The following HEPHL1 variants were observed in gnomAD, a reference collection of about 807,000 sequenced individuals.
HEPHL1 encodes the protein hephaestin like 1.
HEPHL1 carries 123 observed loss-of-function variants against 122.0 expected under a neutral mutation model. The observed-to-expected ratio is 1.01, with a 90% CI of 0.87 to 1.17. HEPHL1 has a LOEUF of 1.17. Among genes scored for constraint, HEPHL1 ranks in the 50% most tolerant of loss-of-function variants. The pLI is 0.00. For missense variants in HEPHL1, 1,452 were observed against 1,430.5 expected, an observed-to-expected ratio of 1.01 and a Z score of -0.24; for synonymous variants, 527 against 508.9, an observed-to-expected ratio of 1.04 and a Z score of -0.48.
chr11:94,095,172 A>G (rs1176951381), intron 13 of HEPHL1, among the ~76,000 whole-genome samples: 3 of 152,140 alleles, frequency 2.0e-5, no homozygotes, highest in African/African-American at 7.2e-5. Flanking sequence ...TAATTTTTGT[A>G]TAAGGTGTAA....
chr11:94,103,966 C>T (rs1218601905), intron 15 of HEPHL1, among the ~76,000 whole-genome samples: 1 of 152,190 alleles, frequency 6.6e-6, no homozygotes, highest in African/African-American at 2.4e-5. Flanking sequence ...ATGAGAGATG[C>T]AGATACTCTT....
chr11:94,046,091 C>CTTTTTTTTTTTTTT (rs755367459), intron 2 of HEPHL1, among the ~76,000 whole-genome samples, 174 bp downstream of exon 2: 1,716 of 65,052 alleles, frequency 0.026, 392 homozygotes, highest in Non-Finnish European at 0.031. Flanking sequence ...CCCTTTCTTG[C>CTTTTTTTTTTTTTT]TTTTTTTTTT....
chr11:94,029,877 A>C (rs891551106), intron 1 of HEPHL1, among the ~76,000 whole-genome samples: 4 of 152,084 alleles, frequency 2.6e-5, no homozygotes, highest in Non-Finnish European at 4.4e-5. Flanking sequence ...TTGCCAGACA[A>C]CTCATGGTAA....
chr11:94,024,075 T>G (rs1206742040), intron 1 of HEPHL1, among the ~76,000 whole-genome samples: 2 of 152,178 alleles, frequency 1.3e-5, no homozygotes, highest in Non-Finnish European at 2.9e-5. Context: ...ATCATGCCCC[T>G]CTCTCAGCCT....
chr11:94,063,650 C>T lies in HEPHL1; in HGVS notation c.558C>T (p.Tyr186=), dbSNP rs1946006687. 6.2e-7 allele frequency: 1 copy of T among 1,613,854 alleles called. No individual in the cohort carries two copies. Among genetic ancestry groups the T allele is most frequent in the Non-Finnish European group, 8.5e-7 (1 of 1,179,840 alleles). The change falls in exon 3 of 20, where the codon TAC becomes TAT. Residue 186 remains tyrosine, a synonymous_variant. Coordinates refer to ENST00000315765, the MANE Select transcript of HEPHL1 (RefSeq NM_001098672.2). Reference sequence around the variant, plus strand: ...ATGCCAACTGCCTGACCTGGGTGTACCATTCGCACATCGACGCCCCAAAGG... The same window carrying T: ...ATGCCAACTGCCTGACCTGGGTGTATCATTCGCACATCGACGCCCCAAAGG... ...PADANCLTWV[Y]HSHIDAPKDI... is the part of the protein sequence containing the mutation.
At chr11:94,095,537 C>T (rs112909341) in intron 13 of HEPHL1, among the ~76,000 whole-genome samples, 3 of 152,240 alleles carry the variant, frequency 2.0e-5, no homozygotes, top group African/African-American at 4.8e-5. Flanking sequence ...TGAAGAAAGT[C>T]ATTGGTAGCT....
At chr11:94,031,127 G>C (rs1040879044) in intron 1 of HEPHL1, among the ~76,000 whole-genome samples, 1 of 152,036 alleles carries the variant, frequency 6.6e-6, no homozygotes, top group Non-Finnish European at 1.5e-5. Context: ...TCAATAAAAC[G>C]TGAGCTTGTT....
chr11:94,088,705 C>T, intron 11 of HEPHL1, 50 bp from the exon 12 acceptor site: 4 of 1,433,994 alleles, frequency 2.8e-6, no homozygotes, highest in Non-Finnish European at 3.8e-6. Context: ...AGACCATCAC[C>T]AACAAAAATA....
Position 94,037,004 on chromosome 11 carries a change from G to A in HEPHL1, c.171-8669G>A, listed in dbSNP as rs561443797. Among the ~76,000 whole-genome samples, 1,399 of 152,296 alleles carry A rather than the reference G, an allele frequency of 9.2e-3. 24 individuals are homozygous for A. Among genetic ancestry groups the A allele is most frequent in the African/African-American group, 0.032 (1,320 of 41,568 alleles). On this transcript the variant is annotated intron_variant, in intron 1 of 19. Transcript: ENST00000315765. ...TGCCAGACAGTGGGCGCAGGCCAGT[G>A]GGTGCGCGCACCGTGCACGAGCCGA...
At chr11:94,069,567 G>A (rs1234019331) in intron 5 of HEPHL1, among the ~76,000 whole-genome samples, 1 of 152,076 alleles carries the variant, frequency 6.6e-6, no homozygotes, top group African/African-American at 2.4e-5. Flanking sequence ...ATGCTGCACT[G>A]TAGCTAATTT....
At chr11:94,097,329 G>C (rs1452981697) in intron 13 of HEPHL1, among the ~76,000 whole-genome samples, 1 of 152,186 alleles carries the variant, frequency 6.6e-6, no homozygotes, top group Non-Finnish European at 1.5e-5. Flanking sequence ...GAGTGATTTT[G>C]AGTGAGTTCC....
chr11:94,053,221 T>C (rs961964393), intron 2 of HEPHL1, among the ~76,000 whole-genome samples: 11 of 152,216 alleles, frequency 7.2e-5, no homozygotes, highest in Admixed American at 5.9e-4. Context: ...AATTCGTGTG[T>C]TTCATCTCAG....
intron 9 of HEPHL1, among the ~76,000 whole-genome samples, chr11:94,078,360 G>A (rs1956036833): frequency 6.7e-6 from 1 of 149,580 alleles, no homozygotes; most frequent in African/African-American, 2.5e-5. Flanking sequence ...TTTCTTCCCT[G>A]CTGCTGTGGG....
intron 1 of HEPHL1, among the ~76,000 whole-genome samples, chr11:94,037,862 T>C (rs967820832): frequency 6.6e-6 from 1 of 151,832 alleles, no homozygotes. Context: ...GGAACAAAGC[T>C]GGATGGAGAA....
At chr11:94,093,278 G>C (rs1210132114) in intron 12 of HEPHL1, among the ~76,000 whole-genome samples, 1 of 152,096 alleles carries the variant, frequency 6.6e-6, no homozygotes, top group Admixed American at 6.5e-5. Flanking sequence ...GGTGGGCCAT[G>C]GACTGGTGCT....
chr11:94,107,601 T>C (rs937990269), intron 17 of HEPHL1, among the ~76,000 whole-genome samples: 1 of 152,228 alleles, frequency 6.6e-6, no homozygotes, highest in African/African-American at 2.4e-5. Context: ...ACTGTCTCTA[T>C]AGTTTTGCCT....
chr11:94,096,670 C>T (rs1946318640), intron 13 of HEPHL1, among the ~76,000 whole-genome samples: 1 of 152,080 alleles, frequency 6.6e-6, no homozygotes, highest in South Asian at 2.1e-4. Context: ...GTTTGGTAGG[C>T]TATTAATTAT....
chr11:94,038,009 A>G (rs1945741743), intron 1 of HEPHL1, among the ~76,000 whole-genome samples: 2 of 147,392 alleles, frequency 1.4e-5, no homozygotes, highest in Admixed American at 1.3e-4. Flanking sequence ...AATAACCAAT[A>G]CAGAGAAGTG....
Position 94,063,497 on chromosome 11 carries a change from T to G in HEPHL1, c.416-11T>G. The G allele has an allele frequency of 6.4e-7, 1 of 1,564,660 alleles. No individual in the cohort carries two copies. The highest frequency in any genetic ancestry group is 1.4e-5 in the African/African-American group (1 of 73,308). ...TGTTTTACCTTTTTTTTTAATTTTA[T>G]TTTTTGGAAGGAGCCCTATACCCAG... On this transcript the variant is annotated splice_polypyrimidine_tract_variant and intron_variant, in intron 2 of 19. Coordinates refer to ENST00000315765, the MANE Select transcript of HEPHL1 (RefSeq NM_001098672.2).
Sources: allele counts gnomAD v4.1 joint callset (sites outside exome capture counted in the v4.1 genomes callset), GRCh38; gene constraint gnomAD v4.1.1; transcripts MANE v1.5; gene names NCBI Gene and HGNC (gene_info 2026-07-23, HGNC 2026-07-21).